EZR: variants seen among roughly 807,000 people sequenced by gnomAD.
EZR encodes the protein cytovillin 2.
EZR carries 40 observed loss-of-function variants against 74.8 expected under a neutral mutation model. The ratio of observed to expected loss-of-function variants is 0.53; its 90% CI spans 0.42 to 0.70. The LOEUF (loss-of-function observed/expected upper bound fraction) is 0.70. Among genes scored for constraint, EZR ranks in the 30% least tolerant of loss-of-function variants. The pLI is 0.00. For missense variants in EZR, 678 were observed against 755.8 expected, an observed-to-expected ratio of 0.90 and a Z score of 1.21; for synonymous variants, 341 against 283.3, an observed-to-expected ratio of 1.20 and a Z score of -2.05.
chr6:158,791,706 A>ATTTTTTTTTTTTTTTTT lies in EZR; in HGVS notation c.13-2352_13-2336dup, dbSNP rs57581855. 6.2e-5 allele frequency among the ~76,000 whole-genome samples: 6 copies of ATTTTTTTTTTTTTTTTT among 96,262 alleles called. 1 individual carries two copies. Among genetic ancestry groups the ATTTTTTTTTTTTTTTTT allele is most frequent in the African/African-American group, 1.6e-4 (4 of 24,392 alleles). The allele number at this position is 96,262 out of a possible 152,430, so 63.2% of individuals were successfully genotyped here. On this transcript the variant is annotated intron_variant, in intron 2 of 13. Transcript: ENST00000367075. ...CCATGCACACGAGATTTCAGACTCCATTTTTTTTTTTTTTTTTTTTGAGAC... is the reference window on the plus strand; with the variant it reads ...CCATGCACACGAGATTTCAGACTCCATTTTTTTTTTTTTTTTTTTTTTTTTTTTTTTTTTTTTGAGAC...
At chr6:158,773,991 G>A (rs569319755) in intron 8 of EZR, among the ~76,000 whole-genome samples, 117 of 152,328 alleles carry the variant, frequency 7.7e-4, no homozygotes, top group African/African-American at 2.8e-3. Flanking sequence ...GGGAAGAGAA[G>A]CTGGCTTTTA....
intron 2 of EZR, among the ~76,000 whole-genome samples, chr6:158,798,794 A>G (rs1777129987): frequency 6.6e-6 from 1 of 151,824 alleles, no homozygotes. Flanking sequence ...ACAGCCGGCT[A>G]ATTTTTCTAT....
chr6:158,767,121 A>T lies in EZR; in HGVS notation c.1597-43T>A, dbSNP rs1409767061. Reference sequence around the variant, plus strand: ...ATTGGTCTAGTCCCTTCCTCCCCATATGGCCCGGCCCGTCCCCTAGGAAAA... The same window carrying T: ...ATTGGTCTAGTCCCTTCCTCCCCATTTGGCCCGGCCCGTCCCCTAGGAAAA... On this transcript the variant is annotated intron_variant, in intron 13 of 13. Transcript: ENST00000367075. 3 of 1,610,062 alleles carry T rather than the reference A, an allele frequency of 1.9e-6. No individual in the cohort carries two copies. In the Admixed American group the frequency reaches 5.0e-5, roughly 27 times the overall value.
intron 2 of EZR, among the ~76,000 whole-genome samples, chr6:158,811,516 A>G (rs893282373): frequency 2.0e-5 from 3 of 152,264 alleles, no homozygotes; most frequent in African/African-American, 7.2e-5. Context: ...ATAGTTCACT[A>G]AATGATACTG....
chr6:158,793,470 A>G (rs931405498), intron 2 of EZR, among the ~76,000 whole-genome samples: 1 of 152,122 alleles, frequency 6.6e-6, no homozygotes, highest in African/African-American at 2.4e-5. Context: ...GATTGAAGAG[A>G]AGATACTCAA....
intron 2 of EZR, among the ~76,000 whole-genome samples, chr6:158,794,505 T>A (rs1235153646): frequency 2.0e-5 from 3 of 152,200 alleles, no homozygotes; most frequent in Non-Finnish European, 4.4e-5. Flanking sequence ...TGGGACTGTA[T>A]GATTCTGATA....
In EZR at chr6:158,785,517, C is replaced by T. The variant is rs769698532; in HGVS notation, c.259G>A (p.Glu87Lys). Residue 87 changes from glutamate to lysine, a missense_variant, in exon 5 of 14, where the codon GAA becomes AAA. Coordinates refer to ENST00000367075, the MANE Select transcript of EZR (RefSeq NM_001111077.2). ...QFKFRAKFYP[E>K]DVAEELIQDI... ...TGGATGAGCTCCTCAGCCACATCTT[C>T]AGGGTAGAACTTGGCCCGGAACTTG... The T allele has an allele frequency of 6.8e-6, 11 of 1,614,080 alleles. No homozygotes were observed.
intron 2 of EZR, among the ~76,000 whole-genome samples, chr6:158,817,018 G>A (rs1777571775): frequency 1.3e-5 from 2 of 152,114 alleles, no homozygotes; most frequent in Non-Finnish European, 2.9e-5. Flanking sequence ...CTGAGAGGCA[G>A]AGGTTGCAGT....
chr6:158,785,742 G>A (rs909550810), intron 4 of EZR, among the ~76,000 whole-genome samples, 159 bp from the exon 5 acceptor site: 4 of 152,138 alleles, frequency 2.6e-5, no homozygotes, highest in African/African-American at 7.2e-5. Flanking sequence ...ACAAAAAAAG[G>A]TTAGTCAAAA....
rs150611306 is a variant in EZR at position 158,798,821 on chromosome 6, G to A, written c.13-9450C>T. On this transcript the variant is annotated intron_variant, in intron 2 of 13. Coordinates refer to ENST00000367075, the MANE Select transcript of EZR (RefSeq NM_001111077.2). ...TTTTTCTATTTTTTGTAGAGATGGA[G>A]TTTCACCATGTTGCCCAGGGTGGCC... Among the ~76,000 whole-genome samples the A allele has an allele frequency of 7.5e-3, 1,135 of 152,042 alleles. 9 individuals carry two copies. Among genetic ancestry groups the A allele is most frequent in the Non-Finnish European group, 9.6e-3 (654 of 67,972 alleles).
chr6:158,814,605 G>A (rs1180513849), intron 2 of EZR, among the ~76,000 whole-genome samples: 2 of 149,442 alleles, frequency 1.3e-5, no homozygotes, highest in Non-Finnish European at 3.0e-5. Flanking sequence ...GTGCAGTGGT[G>A]CAATCTCAGC....
At chr6:158,796,913 G>C (rs1013912478) in intron 2 of EZR, among the ~76,000 whole-genome samples, 11 of 152,200 alleles carry the variant, frequency 7.2e-5, no homozygotes, top group Admixed American at 2.0e-4. Flanking sequence ...TATCAAAATG[G>C]CATCTTAAAA....
At chr6:158,813,151 G>T (rs1777482866) in intron 2 of EZR, among the ~76,000 whole-genome samples, 1 of 152,098 alleles carries the variant, frequency 6.6e-6, no homozygotes, top group African/African-American at 2.4e-5. Context: ...TAGCCACATT[G>T]GGCTTCATGT....
chr6:158,804,253 TTC>T (rs900113650), intron 2 of EZR, among the ~76,000 whole-genome samples: 15 of 152,188 alleles, frequency 9.9e-5, no homozygotes, highest in African/African-American at 3.4e-4. Context: ...TAAACTGGAA[TTC>T]TTAGACACCA....
intron 2 of EZR, among the ~76,000 whole-genome samples, chr6:158,817,070 G>A (rs140070522): frequency 6.6e-6 from 1 of 152,120 alleles, no homozygotes; most frequent in African/African-American, 2.4e-5. Flanking sequence ...GGGCCACAGA[G>A]AGAGACTCCG....
intron 2 of EZR, among the ~76,000 whole-genome samples, chr6:158,815,481 TTTTG>T (rs1359400861): frequency 1.3e-5 from 2 of 151,956 alleles, no homozygotes; most frequent in East Asian, 3.9e-4. Context: ...AAAAAAGGGG[TTTTG>T]TTTGTTTTCA....
chr6:158,810,926 G>A (rs1346526526), intron 2 of EZR, among the ~76,000 whole-genome samples: 1 of 152,154 alleles, frequency 6.6e-6, no homozygotes, highest in Non-Finnish European at 1.5e-5. Context: ...CGAAATTTAG[G>A]TTCACAGATG....
At position 158,785,603 on chromosome 6, in the gene EZR, C is replaced by T. The variant is rs770046952; in HGVS notation, c.193-20G>A. 18 of 1,610,318 alleles carry T rather than the reference C, an allele frequency of 1.1e-5. No individual in the cohort carries two copies. The Admixed American group carries it at 3.0e-4, about 27-fold the overall frequency. ...AGACACCTGCACGAAACAAGCCACA[C>T]TCTCCACACAAATCCGGAAGACGAA... On this transcript the variant is annotated intron_variant, in intron 4 of 13. Coordinates refer to ENST00000367075, the MANE Select transcript of EZR (RefSeq NM_001111077.2).
At chr6:158,775,235 T>G (rs1440525271) in intron 8 of EZR, among the ~76,000 whole-genome samples, 1 of 152,044 alleles carries the variant, frequency 6.6e-6, no homozygotes, top group African/African-American at 2.4e-5. Flanking sequence ...GTTTTCACTG[T>G]GTTGGCCAGG....
Sources: allele counts gnomAD v4.1 joint callset (sites outside exome capture counted in the v4.1 genomes callset), GRCh38; gene constraint gnomAD v4.1.1; transcripts MANE v1.5; gene names NCBI Gene and HGNC (gene_info 2026-07-23, HGNC 2026-07-21).